The following FAM135B variants were observed in gnomAD, a reference collection of about 807,000 sequenced individuals.
The protein encoded by FAM135B is protein FAM135B.
A neutral mutation model predicts 127.7 loss-of-function variants in FAM135B; 43 were observed. That is an observed-to-expected ratio of 0.34 (90% confidence interval 0.26 to 0.43). The LOEUF (loss-of-function observed/expected upper bound fraction) is 0.43. FAM135B is among the 20% of genes least tolerant of loss of function. The probability of loss-of-function intolerance (pLI) is 1.00; values close to 1 mark genes in which losing one functional copy is unlikely to be tolerated. For synonymous variants in FAM135B, 670 were observed against 665.1 expected, an observed-to-expected ratio of 1.01 and a Z score of -0.11; for missense variants, 1,558 against 1,725.6, an observed-to-expected ratio of 0.90 and a Z score of 1.72.
intron 7 of FAM135B, among the ~76,000 whole-genome samples, chr8:138,237,371 G>C (rs1820383315): frequency 6.6e-6 from 1 of 152,004 alleles, no homozygotes; most frequent in Non-Finnish European, 1.5e-5. Flanking sequence ...ATGTTGGCCA[G>C]GCTGTTCTTG....
intron 12 of FAM135B, among the ~76,000 whole-genome samples, chr8:138,153,767 G>A (rs1363039053): frequency 6.6e-6 from 1 of 152,190 alleles, no homozygotes; most frequent in African/African-American, 2.4e-5. Flanking sequence ...TGAGGCTTGA[G>A]TAGGTAAACA....
At chr8:138,491,212 C>G (rs771302020) in intron 1 of FAM135B, among the ~76,000 whole-genome samples, 38 of 151,366 alleles carry the variant, frequency 2.5e-4, no homozygotes, top group Admixed American at 9.2e-4. Context: ...ATCACAAAGC[C>G]CAACAACAAA....
chr8:138,170,536 G>A (rs1820341333), intron 11 of FAM135B, among the ~76,000 whole-genome samples: 1 of 152,140 alleles, frequency 6.6e-6, no homozygotes, highest in Non-Finnish European at 1.5e-5. Flanking sequence ...ATCTTTATTT[G>A]AAGATTAAAT....
intron 2 of FAM135B, among the ~76,000 whole-genome samples, chr8:138,351,325 G>T (rs1330811446): frequency 6.6e-6 from 1 of 152,144 alleles, no homozygotes; most frequent in East Asian, 1.9e-4. Context: ...AATCTGACTG[G>T]TGTCCTTATA....
At chr8:138,149,307 C>T (rs1205580503) in intron 13 of FAM135B, among the ~76,000 whole-genome samples, 1 of 152,086 alleles carries the variant, frequency 6.6e-6, no homozygotes, top group African/African-American at 2.4e-5. Flanking sequence ...AGGCCCCATG[C>T]AATCTTTAAA....
At chr8:138,170,489 T>C (rs1216033933) in intron 11 of FAM135B, among the ~76,000 whole-genome samples, 1 of 152,204 alleles carries the variant, frequency 6.6e-6, no homozygotes, top group Non-Finnish European at 1.5e-5. Flanking sequence ...CCCAAACTAC[T>C]GGGATTACAG....
At chr8:138,138,902 A>T in intron 18 of FAM135B, 84 bp downstream of exon 18, 1 of 893,108 alleles carries the variant, frequency 1.1e-6, no homozygotes, top group South Asian at 1.4e-5. Context: ...GAGTGAATCA[A>T]TGTAGCATTA....
At chr8:138,362,064 A>G (rs1830452972) in intron 2 of FAM135B, among the ~76,000 whole-genome samples, 1 of 152,146 alleles carries the variant, frequency 6.6e-6, no homozygotes, top group Non-Finnish European at 1.5e-5. Context: ...AACGCATAAT[A>G]ATCACCTCAT....
chr8:138,369,098 C>T (rs940812548), intron 1 of FAM135B, among the ~76,000 whole-genome samples: 1 of 152,152 alleles, frequency 6.6e-6, no homozygotes, highest in African/African-American at 2.4e-5. Context: ...AGCCTGTTTA[C>T]TACCACAAAC....
At chr8:138,294,797 T>C (rs1431184928) in intron 3 of FAM135B, among the ~76,000 whole-genome samples, 1 of 152,178 alleles carries the variant, frequency 6.6e-6, no homozygotes, top group African/African-American at 2.4e-5. Flanking sequence ...GGTGAAAGTG[T>C]CTTTAGATTT....
intron 1 of FAM135B, among the ~76,000 whole-genome samples, chr8:138,470,301 A>G (rs1315053155): frequency 6.6e-6 from 1 of 152,204 alleles, no homozygotes; most frequent in Non-Finnish European, 1.5e-5. Flanking sequence ...CCAGGTGGGT[A>G]TAAAAACCAT....
intron 1 of FAM135B, among the ~76,000 whole-genome samples, chr8:138,428,589 T>C (rs1835025915): frequency 6.6e-6 from 1 of 152,082 alleles, no homozygotes; most frequent in Non-Finnish European, 1.5e-5. Context: ...GGTCAAGCAA[T>C]GCCCTCAAGT....
intron 1 of FAM135B, among the ~76,000 whole-genome samples, chr8:138,418,491 T>C (rs1480958252): frequency 6.6e-6 from 1 of 151,066 alleles, no homozygotes; most frequent in Non-Finnish European, 1.5e-5. Flanking sequence ...TATAGACACA[T>C]AGTCATCAGA....
intron 1 of FAM135B, among the ~76,000 whole-genome samples, chr8:138,470,380 T>C (rs1837612337): frequency 6.6e-6 from 1 of 152,226 alleles, no homozygotes; most frequent in Non-Finnish European, 1.5e-5. Context: ...TTAAATAATA[T>C]CTTAAGTCTC....
chr8:138,300,258 G>A (rs1825787780), intron 3 of FAM135B, among the ~76,000 whole-genome samples: 1 of 57,230 alleles, frequency 1.7e-5, no homozygotes, highest in East Asian at 2.7e-4. Context: ...GTGTTCCTTG[G>A]GAATAATTAA....
intron 2 of FAM135B, among the ~76,000 whole-genome samples, chr8:138,346,331 A>G (rs555278230): frequency 1.3e-5 from 2 of 152,310 alleles, no homozygotes; most frequent in African/African-American, 2.4e-5. Context: ...AAATCATTCT[A>G]TTATAAAGGT....
chr8:138,159,722 T>C (rs1184027699), intron 12 of FAM135B, among the ~76,000 whole-genome samples: 1 of 151,860 alleles, frequency 6.6e-6, no homozygotes, highest in African/African-American at 2.4e-5. Context: ...AACCTGCACA[T>C]TGTGCACTTG....
chr8:138,158,248 T>C (rs954000761), intron 12 of FAM135B, among the ~76,000 whole-genome samples: 5 of 152,374 alleles, frequency 3.3e-5, no homozygotes, highest in Middle Eastern at 3.4e-3. Context: ...GCTAGCCATA[T>C]GTATAAAAGC....
In FAM135B at chr8:138,186,596, C is replaced by A. The variant is rs150774285; in HGVS notation, c.874-7906G>T. Among the ~76,000 whole-genome samples the A allele has an allele frequency of 3.3e-5, 5 of 152,162 alleles. No homozygotes were observed. In the East Asian group the frequency reaches 9.7e-4, roughly 30 times the overall value. On this transcript the variant is annotated intron_variant, in intron 9 of 19. Coordinates refer to ENST00000395297, the MANE Select transcript of FAM135B (RefSeq NM_015912.4). The stretch of plus-strand genomic sequence containing the variant: ...ATTCTTTACCAAACCAAGGAGTAGG[C>A]GGAAGCACACCCCCATACACCCTTT...
Sources: allele counts gnomAD v4.1 joint callset (sites outside exome capture counted in the v4.1 genomes callset), GRCh38; gene constraint gnomAD v4.1.1; transcripts MANE v1.5; gene names NCBI Gene and HGNC (gene_info 2026-07-23, HGNC 2026-07-21).